GYPB: variants seen among roughly 807,000 people sequenced by gnomAD.
GYPB encodes the protein glycophorin-B.
A neutral mutation model predicts 15.3 loss-of-function variants in GYPB; 13 were observed. The observed-to-expected ratio is 0.85, with a 90% CI of 0.55 to 1.35. GYPB has a LOEUF of 1.35. Among genes scored for constraint, GYPB ranks in the 40% most tolerant of loss-of-function variants. The pLI is 0.00. For synonymous variants in GYPB, 38 were observed against 36.9 expected, an observed-to-expected ratio of 1.03 and a Z score of -0.11; for missense variants, 131 against 108.3, an observed-to-expected ratio of 1.21 and a Z score of -0.93.
Position 143,996,256 on chromosome 4 carries a change from C to G in GYPB, c.*43G>C, listed in dbSNP as rs1175302544. 3 of 1,550,362 alleles carry G rather than the reference C, an allele frequency of 1.9e-6. No homozygotes were observed. In the Admixed American group the frequency reaches 5.9e-5, roughly 30 times the overall value. ...TGCATAAACAAGAGAACAGCAGGTG[C>G]AGCCGGTTCTAGGCAAGATCAGGCA... On this transcript the variant is annotated 3_prime_UTR_variant, in exon 5 of 5. Transcript: ENST00000502664.
In GYPB at chr4:144,016,783, CT is replaced by C. The variant is rs201451495; in HGVS notation, c.37+2467del. On this transcript the variant is annotated intron_variant, in intron 1 of 4. Coordinates refer to ENST00000502664, the MANE Select transcript of GYPB (RefSeq NM_002100.6). ...TTTCAGATAAAAGCTCCAGCTTTTC[CT>C]TGAAAACACTAACTTACCTCCTGTT... 3.0e-3 allele frequency: 1,263 copies of C among 416,578 alleles called. 43 individuals carry two copies. Among genetic ancestry groups the C allele is most frequent in the African/African-American group, 0.024 (1,122 of 47,206 alleles). 25.8% of individuals were successfully genotyped at this position (416,578 alleles called of 1,614,324 possible). A position where few individuals can be genotyped will look rare whatever the true frequency, so the allele number is the denominator to read the frequency against.
chr4:144,003,591 T>A (rs892106932), intron 1 of GYPB, among the ~76,000 whole-genome samples: 17 of 151,508 alleles, frequency 1.1e-4, no homozygotes, highest in Non-Finnish European at 2.4e-4. Flanking sequence ...TGAAAAGTAT[T>A]TTAAATTTTT....
At chr4:144,007,967 C>A (rs1461922245) in intron 1 of GYPB, among the ~76,000 whole-genome samples, 1 of 151,354 alleles carries the variant, frequency 6.6e-6, no homozygotes, top group Non-Finnish European at 1.5e-5. Context: ...GATGCTTCAC[C>A]ATTCATGAAT....
chr4:144,010,130 G>A (rs1393999793), intron 1 of GYPB, among the ~76,000 whole-genome samples: 3 of 150,974 alleles, frequency 2.0e-5, no homozygotes, highest in Non-Finnish European at 4.4e-5. Context: ...CTACTAATGG[G>A]CTATGAAATC....
rs1446122987 is a variant in GYPB at position 144,017,771 on chromosome 4, AAC to A, written c.37+1478_37+1479del. Among the ~76,000 whole-genome samples, 4 of 151,472 alleles carry A rather than the reference AAC, an allele frequency of 2.6e-5. No individual in the cohort carries two copies. The South Asian group carries it at 8.3e-4, about 31-fold the overall frequency. The stretch of plus-strand genomic sequence containing the variant: ...TCCAGTTTGGTTTGCCCCATGGAGC[AAC>A]ACAAAGAATACATCTTTTTTTCTGT... On this transcript the variant is annotated intron_variant, in intron 1 of 4. Transcript: ENST00000502664.
At position 144,008,294 on chromosome 4, in the gene GYPB, A is replaced by T. The variant is rs186433959; in HGVS notation, c.38-7011T>A. On this transcript the variant is annotated intron_variant, in intron 1 of 4. Transcript: ENST00000502664. ...GAATCAAGTAAGTTGTCATTGAGAGATTAAATTCTCACCAAATTATAATGC... is the reference window on the plus strand; with the variant it reads ...GAATCAAGTAAGTTGTCATTGAGAGTTTAAATTCTCACCAAATTATAATGC... 3.2e-4 allele frequency: 139 copies of T among 437,192 alleles called. 2 individuals carry two copies. In the East Asian group the frequency reaches 4.7e-3, roughly 15 times the overall value. 27.1% of individuals were successfully genotyped at this position (437,192 alleles called of 1,614,324 possible).
intron 4 of GYPB, 149 bp downstream of exon 4, chr4:143,997,391 A>G: frequency 1.8e-6 from 1 of 550,256 alleles, no homozygotes; most frequent in Non-Finnish European, 3.3e-6. Flanking sequence ...CTGCTAGAGA[A>G]ACACAGTGAC....
At position 144,016,074 on chromosome 4, in the gene GYPB, A is replaced by G. The variant is rs142673158; in HGVS notation, c.37+3177T>C. 8.3e-3 allele frequency among the ~76,000 whole-genome samples: 1,219 copies of G among 147,408 alleles called. 80 individuals are homozygous for G. The highest frequency in any genetic ancestry group is 0.03 in the African/African-American group (1,162 of 38,600). ...TATAGTCATGTATTCCCTGGCATAC[A>G]GTTCCTGTAACTCTTTCCTGTACCA... On this transcript the variant is annotated intron_variant, in intron 1 of 4. Transcript: ENST00000502664.
chr4:144,013,685 C>T (rs1247455592), intron 1 of GYPB, among the ~76,000 whole-genome samples: 16 of 148,972 alleles, frequency 1.1e-4, no homozygotes, highest in African/African-American at 4.1e-4. Context: ...AACCAGACAC[C>T]GCATATTCTC....
At chr4:144,004,444 A>G (rs1302535821) in intron 1 of GYPB, among the ~76,000 whole-genome samples, 1 of 151,982 alleles carries the variant, frequency 6.6e-6, no homozygotes, top group Admixed American at 6.5e-5. Context: ...AAACAGTGTC[A>G]TCTTGAAGGA....
At chr4:144,015,522 C>G (rs1192201643) in intron 1 of GYPB, among the ~76,000 whole-genome samples, 1 of 151,206 alleles carries the variant, frequency 6.6e-6, no homozygotes, top group Non-Finnish European at 1.5e-5. Flanking sequence ...GGAAATTCCC[C>G]AAAAGTATAC....
Position 143,996,196 on chromosome 4 carries a change from G to C in GYPB, c.*103C>G. On this transcript the variant is annotated 3_prime_UTR_variant, in exon 5 of 5. Transcript: ENST00000502664. ...AGGGAATTAGGATAGCCAGGGGTAG[G>C]GGCATAAGCAAAGGAATAGCAGGTG... is the stretch of plus-strand genomic sequence containing the variant. 6.5e-7 allele frequency: 1 copy of C among 1,545,160 alleles called. No individual in the cohort carries two copies. Among genetic ancestry groups the C allele is most frequent in the South Asian group, 1.2e-5 (1 of 83,694 alleles).
chr4:143,996,789 A>AG (rs11383739), intron 4 of GYPB, among the ~76,000 whole-genome samples: 104,412 of 150,266 alleles, frequency 0.69, 37,078 homozygotes, highest in East Asian at 0.95. Flanking sequence ...AATTTAAAAA[A>AG]CTTTAATGAT....
intron 1 of GYPB, among the ~76,000 whole-genome samples, chr4:144,016,298 A>C (rs1397775559): frequency 2.0e-5 from 3 of 150,598 alleles, no homozygotes; most frequent in Non-Finnish European, 4.4e-5. Context: ...CCAGATGAAA[A>C]CAAATATTTC....
At chr4:143,995,578 G>A (rs1727278100), downstream of GYPB, among the ~76,000 whole-genome samples, 1 of 151,216 alleles carries the variant, frequency 6.6e-6, no homozygotes, top group Non-Finnish European at 1.5e-5. Flanking sequence ...AGCCATCTCA[G>A]TAAGATCTGC....
At chr4:143,996,335 C>T (rs1432096166) in intron 4 of GYPB, 31 bp from the exon 5 acceptor site, 2 of 1,550,216 alleles carry the variant, frequency 1.3e-6, no homozygotes, top group Non-Finnish European at 1.7e-6. Context: ...GTTTCCACTT[C>T]AGCCTCTGCT....
chr4:144,006,073 G>A (rs1727900192), intron 1 of GYPB, among the ~76,000 whole-genome samples: 1 of 151,718 alleles, frequency 6.6e-6, no homozygotes, highest in Non-Finnish European at 1.5e-5. Context: ...TATTAGTGAG[G>A]CCTCAAACTC....
intron 1 of GYPB, among the ~76,000 whole-genome samples, chr4:144,005,397 A>G (rs1457408288): frequency 1.3e-5 from 2 of 151,978 alleles, no homozygotes; most frequent in African/African-American, 4.9e-5. Context: ...GTACATACAA[A>G]AAAGGACAAC....
At chr4:144,014,060 A>G (rs1728365871) in intron 1 of GYPB, among the ~76,000 whole-genome samples, 1 of 151,610 alleles carries the variant, frequency 6.6e-6, no homozygotes, top group Admixed American at 6.5e-5. Context: ...AAACCACTTC[A>G]TACCCTCTGA....
Sources: allele counts gnomAD v4.1 joint callset (sites outside exome capture counted in the v4.1 genomes callset), GRCh38; gene constraint gnomAD v4.1.1; transcripts MANE v1.5; gene names NCBI Gene and HGNC (gene_info 2026-07-23, HGNC 2026-07-21).